Variants in PDE4D observed in about 807,000 individuals in gnomAD.
PDE4D encodes the protein phosphodiesterase 4D.
Under a neutral mutation model 87.4 loss-of-function variants are expected in PDE4D, and 24 were observed. That is an observed-to-expected ratio of 0.27 (90% CI 0.20 to 0.39). The LOEUF (loss-of-function observed/expected upper bound fraction) is 0.39. Ranked by LOEUF, PDE4D falls within the 10% of genes least tolerant of loss-of-function variation. The pLI is 1.00. For missense variants in PDE4D, 714 were observed against 1,041.0 expected, an observed-to-expected ratio of 0.69 and a Z score of 4.32; for synonymous variants, 384 against 383.2, an observed-to-expected ratio of 1.00 and a Z score of -0.02.
At chr5:60,224,191 C>A (rs1744829939) in intron 1 of PDE4D, among the ~76,000 whole-genome samples, 1 of 152,084 alleles carries the variant, frequency 6.6e-6, no homozygotes, top group Admixed American at 6.6e-5. Context: ...AAAATATAAT[C>A]TATAGCATTG....
intron 1 of PDE4D, among the ~76,000 whole-genome samples, chr5:60,207,837 G>A (rs1199519028): frequency 1.3e-5 from 2 of 152,106 alleles, no homozygotes; most frequent in African/African-American, 2.4e-5. Flanking sequence ...CAGTGTGATC[G>A]ACATAGACCT....
intron 1 of PDE4D, among the ~76,000 whole-genome samples, chr5:59,639,789 C>A (rs879727027): frequency 2.0e-5 from 3 of 149,862 alleles, no homozygotes; most frequent in Non-Finnish European, 4.4e-5. Flanking sequence ...ATCACCCCTG[C>A]CAATTTTAAA....
chr5:60,226,912 T>C (rs1745180917), intron 1 of PDE4D, among the ~76,000 whole-genome samples: 1 of 152,080 alleles, frequency 6.6e-6, no homozygotes, highest in African/African-American at 2.4e-5. Flanking sequence ...TCCCAACCCA[T>C]AATCTTGATT....
At chr5:59,626,272 A>C (rs1475917424) in intron 1 of PDE4D, among the ~76,000 whole-genome samples, 4 of 152,248 alleles carry the variant, frequency 2.6e-5, no homozygotes, top group Admixed American at 2.6e-4. Flanking sequence ...TAGATGGTTT[A>C]AACACAATGG....
intron 2 of PDE4D, among the ~76,000 whole-genome samples, chr5:60,073,535 A>C (rs1772965735): frequency 1.3e-5 from 2 of 150,820 alleles, no homozygotes; most frequent in South Asian, 2.1e-4. Context: ...GCCTCATAGA[A>C]TGTGCTGGGG....
intron 1 of PDE4D, among the ~76,000 whole-genome samples, chr5:59,784,273 G>T (rs1240067386): frequency 6.7e-6 from 1 of 150,232 alleles, no homozygotes; most frequent in Non-Finnish European, 1.5e-5. Flanking sequence ...AGGGGATTGT[G>T]CTTTTCAAAT....
At chr5:60,003,216 A>T (rs1053551839) in intron 2 of PDE4D, among the ~76,000 whole-genome samples, 2 of 152,180 alleles carry the variant, frequency 1.3e-5, no homozygotes, top group Admixed American at 1.3e-4. Flanking sequence ...AGATCTCTAC[A>T]CTTAAAGACA....
intron 1 of PDE4D, among the ~76,000 whole-genome samples, chr5:59,694,566 T>C (rs1215109344): frequency 6.6e-6 from 1 of 152,186 alleles, no homozygotes; most frequent in Non-Finnish European, 1.5e-5. Context: ...GTTTCAGCTG[T>C]TGTGTGGGAT....
At chr5:60,055,914 A>C (rs765303311) in intron 2 of PDE4D, among the ~76,000 whole-genome samples, 2 of 152,094 alleles carry the variant, frequency 1.3e-5, no homozygotes, top group Non-Finnish European at 2.9e-5. Context: ...AAGGCTTAAC[A>C]AAGAAACCAA....
chr5:59,740,602 G>T (rs1758694802), intron 1 of PDE4D, among the ~76,000 whole-genome samples: 1 of 152,192 alleles, frequency 6.6e-6, no homozygotes, highest in South Asian at 2.1e-4. Flanking sequence ...ATACAAAGAT[G>T]CATGAATGAA....
chr5:59,936,229 G>C (rs1756564517), intron 3 of PDE4D, among the ~76,000 whole-genome samples: 1 of 152,118 alleles, frequency 6.6e-6, no homozygotes. Flanking sequence ...GGGGAAGGGG[G>C]AGGGATAGCA....
At chr5:60,424,656 C>A (rs957348322) in intron 1 of PDE4D, among the ~76,000 whole-genome samples, 1 of 152,176 alleles carries the variant, frequency 6.6e-6, no homozygotes, top group African/African-American at 2.4e-5. Flanking sequence ...CACCCCTATG[C>A]AACTTAGTGT....
rs148393322 is a variant in PDE4D, at chr5:59,685,486, T to C, written c.455+207682A>G. The stretch of plus-strand genomic sequence containing the variant: ...TATTTGATACAAAATTATTTCTCAT[T>C]AATAATCTAATCATGAAACACCTGT... On this transcript the variant is annotated intron_variant, in intron 1 of 14. Transcript: ENST00000340635. Among the ~76,000 whole-genome samples the C allele has an allele frequency of 2.9e-3, 435 of 152,312 alleles. 5 individuals carry two copies. Among genetic ancestry groups the C allele is most frequent in the African/African-American group, 0.01 (417 of 41,572 alleles).
At chr5:59,666,531 A>T (rs1746102752) in intron 1 of PDE4D, among the ~76,000 whole-genome samples, 1 of 152,164 alleles carries the variant, frequency 6.6e-6, no homozygotes, top group South Asian at 2.1e-4. Context: ...GCAAGCAATA[A>T]AGTGTCCCTG....
intron 1 of PDE4D, among the ~76,000 whole-genome samples, chr5:59,517,151 G>GAA (rs35453725): frequency 6.6e-6 from 1 of 151,900 alleles, no homozygotes; most frequent in African/African-American, 2.4e-5. Context: ...ATAAAGGAAA[G>GAA]AAAAAATGCT....
At chr5:59,894,599 G>C (rs74850223), upstream of PDE4D, among the ~76,000 whole-genome samples, 11,033 of 152,230 alleles carry the variant, frequency 0.072, 805 homozygotes, top group African/African-American at 0.19. Context: ...GGCTGAGCCC[G>C]CTGGCCAGAG....
intron 5 of PDE4D, among the ~76,000 whole-genome samples, chr5:59,066,831 C>CCTTCCACCATGTGAGGA (rs1293264012): frequency 6.6e-6 from 1 of 151,932 alleles, no homozygotes; most frequent in Non-Finnish European, 1.5e-5. Context: ...CTGCCTTGCC[C>CCTTCCACCATGTGAGGA]CTTCCACCAT....
At chr5:60,345,698 T>G (rs1758698770) in intron 1 of PDE4D, among the ~76,000 whole-genome samples, 1 of 152,068 alleles carries the variant, frequency 6.6e-6, no homozygotes, top group Admixed American at 6.6e-5. Flanking sequence ...ATACCTCTAC[T>G]TGAATATTAG....
At position 60,088,840 on chromosome 5, in the gene PDE4D, T is replaced by C. The variant is rs115148945; in HGVS notation, c.42+96717A>G. On this transcript the variant is annotated intron_variant, in intron 2 of 16. Transcript: ENST00000502484. Reference sequence around the variant, plus strand: ...ATCAATAATATTCAAACCTTGAATATAAATGAATTATATTCTTCAGTTAAA... The same window carrying C: ...ATCAATAATATTCAAACCTTGAATACAAATGAATTATATTCTTCAGTTAAA... Among the ~76,000 whole-genome samples, 340 of 152,150 alleles carry C rather than the reference T, an allele frequency of 2.2e-3. 2 individuals carry two copies. Among genetic ancestry groups the C allele is most frequent in the African/African-American group, 7.8e-3 (324 of 41,564 alleles).
Sources: gnomAD v4.1 joint callset for allele counts (sites outside exome capture counted in the v4.1 genomes callset) on GRCh38, gnomAD v4.1.1 for gene constraint, MANE v1.5 for transcripts, NCBI Gene and HGNC (gene_info 2026-07-23, HGNC 2026-07-21) for gene names.